The following KLHL29 variants were observed in gnomAD, a reference collection of about 807,000 sequenced individuals.
KLHL29 encodes the protein kelch like family member 29.
A neutral mutation model predicts 80.4 loss-of-function variants in KLHL29; 21 were observed. The observed-to-expected ratio is 0.26, with a 90% CI of 0.19 to 0.38. KLHL29 has a LOEUF of 0.38. Among genes scored for constraint, KLHL29 ranks in the 10% least tolerant of loss-of-function variants. The pLI, the probability that KLHL29 is intolerant of heterozygous loss-of-function variation, is 1.00. For missense variants in KLHL29, 867 were observed against 1,223.9 expected, an observed-to-expected ratio of 0.71 and a Z score of 4.35; for synonymous variants, 511 against 526.8, an observed-to-expected ratio of 0.97 and a Z score of 0.41.
intron 1 of KLHL29, among the ~76,000 whole-genome samples, chr2:23,429,875 G>A (rs1663121780): frequency 9.1e-6 from 1 of 109,408 alleles, no homozygotes; most frequent in East Asian, 2.3e-4. Flanking sequence ...TTTCCTTCTA[G>A]TGACTTTAAA....
chr2:23,607,793 A>C (rs1668764505), intron 3 of KLHL29, among the ~76,000 whole-genome samples: 1 of 152,222 alleles, frequency 6.6e-6, no homozygotes, highest in Non-Finnish European at 1.5e-5. Flanking sequence ...GAGGTGGAGC[A>C]GTTTCATCCC....
chr2:23,597,251 C>T (rs565037232), intron 3 of KLHL29, among the ~76,000 whole-genome samples: 2 of 139,538 alleles, frequency 1.4e-5, no homozygotes, highest in South Asian at 2.4e-4. Context: ...AAACTTGCTA[C>T]GTGTCTGTTC....
intron 5 of KLHL29, among the ~76,000 whole-genome samples, chr2:23,676,343 C>T (rs1209880560): frequency 2.0e-5 from 3 of 152,180 alleles, no homozygotes; most frequent in African/African-American, 4.8e-5. Flanking sequence ...CTACCATGCC[C>T]GGCTAATTTT....
rs1013920255 is a variant in KLHL29 at position 23,564,117 on chromosome 2, C to T, written c.285+1636C>T. 2.6e-5 allele frequency among the ~76,000 whole-genome samples: 4 copies of T among 152,228 alleles called. No homozygotes were observed. The East Asian group carries it at 5.8e-4, about 22-fold the overall frequency. ...GGAGAGAGAGGCTGGGCCCGGAGGC[C>T]GTCTTGAAAGTGTCTGTCCTTTTAA... On this transcript the variant is annotated intron_variant, in intron 3 of 13. Coordinates refer to ENST00000486442, the MANE Select transcript of KLHL29 (RefSeq NM_052920.2).
At chr2:23,436,954 A>T (rs1184699542) in intron 1 of KLHL29, among the ~76,000 whole-genome samples, 4 of 152,248 alleles carry the variant, frequency 2.6e-5, no homozygotes, top group African/African-American at 9.6e-5. Context: ...ATATTTTCCA[A>T]GAGTAATGAA....
chr2:23,679,243 T>C lies in KLHL29; in HGVS notation c.941-5156T>C, dbSNP rs1029333775. Among the ~76,000 whole-genome samples the C allele has an allele frequency of 5.3e-5, 8 of 152,032 alleles. No individual in the cohort carries two copies. The South Asian group carries it at 1.3e-3, about 24-fold the overall frequency. On this transcript the variant is annotated intron_variant, in intron 5 of 13. Transcript: ENST00000486442. ...TTTTAAAAACAGCCACTTATTTAGA[T>C]TGTGATCCTGGTTTAGCAGTTTGGA...
chr2:23,562,279 G>A lies in KLHL29; in HGVS notation c.83G>A (p.Gly28Glu). ...RREWSVNGTH[G>E]TTSICSVTSG... ...GAATGGAGCGTCAACGGGACGCATG[G>A]GACCACCAGCATCTGCAGTGTCACC... Residue 28 changes from glycine to glutamate, a missense_variant, in exon 3 of 14, where the codon GGG becomes GAG. This residue lies in a region of KLHL29 where 424 missense variants were observed against 456.9 expected (regional missense o/e 0.93). Coordinates refer to ENST00000486442, the MANE Select transcript of KLHL29 (RefSeq NM_052920.2). The surrounding 1 kb of genome is among the most constrained non-coding windows in gnomAD (Gnocchi z 4.5). The A allele has an allele frequency of 6.5e-7, 1 of 1,548,558 alleles. No homozygotes were observed. Among genetic ancestry groups the A allele is most frequent in the Non-Finnish European group, 8.7e-7 (1 of 1,145,564 alleles).
Position 23,560,417 on chromosome 2 carries a change from C to T in KLHL29, c.-45-1735C>T, listed in dbSNP as rs576151066. Among the ~76,000 whole-genome samples the T allele has an allele frequency of 2.0e-5, 3 of 151,934 alleles. No individual in the cohort carries two copies. The South Asian group carries it at 6.2e-4, about 32-fold the overall frequency. On this transcript the variant is annotated intron_variant, in intron 2 of 13. Transcript: ENST00000486442. ...TCCTGAGTAGCTGGGACTACAGGCA[C>T]GTGCTGCCACTCCCAACTAATTTTA...
rs145854192 is a variant in KLHL29, at chr2:23,537,365, C to T, written c.-45-24787C>T. 8.3e-3 allele frequency among the ~76,000 whole-genome samples: 1,051 copies of T among 126,416 alleles called. 15 individuals are homozygous for T. Among genetic ancestry groups the T allele is most frequent in the African/African-American group, 0.027 (972 of 35,502 alleles). The allele number at this position is 126,416 out of a possible 152,430, so 82.9% of individuals were successfully genotyped here. ...GGCATTGAAAGTCCTTTAGGAAGGA[C>T]GAGTAACTTCTAGTTGAGTTTGAGC... On this transcript the variant is annotated intron_variant, in intron 2 of 13. Coordinates refer to ENST00000486442, the MANE Select transcript of KLHL29 (RefSeq NM_052920.2).
intron 2 of KLHL29, among the ~76,000 whole-genome samples, chr2:23,498,380 G>A (rs565504664): frequency 2.6e-4 from 39 of 152,348 alleles, no homozygotes; most frequent in African/African-American, 9.1e-4. Context: ...CGGCACCAGT[G>A]AGGTGCCCTG....
At chr2:23,546,338 T>C (rs529884388) in intron 2 of KLHL29, among the ~76,000 whole-genome samples, 31 of 152,242 alleles carry the variant, frequency 2.0e-4, no homozygotes, top group African/African-American at 7.5e-4. Context: ...TAGAAAAGAT[T>C]GGGGCCAAGG....
intron 2 of KLHL29, among the ~76,000 whole-genome samples, chr2:23,486,564 G>A (rs1558356182): frequency 6.6e-6 from 1 of 152,164 alleles, no homozygotes; most frequent in South Asian, 2.1e-4. Context: ...TAGCACTGTG[G>A]CCTCAGAAGT....
intron 11 of KLHL29, among the ~76,000 whole-genome samples, chr2:23,701,794 T>C (rs1416789392): frequency 9.0e-5 from 3 of 33,200 alleles, no homozygotes; most frequent in African/African-American, 1.7e-4. Flanking sequence ...TTTTTTTTGC[T>C]TTTTTTTTTT....
At chr2:23,673,329 C>G (rs901020781) in intron 5 of KLHL29, among the ~76,000 whole-genome samples, 1 of 151,808 alleles carries the variant, frequency 6.6e-6, no homozygotes, top group Non-Finnish European at 1.5e-5. Context: ...CACACATACA[C>G]CCATCCTCAC....
intron 1 of KLHL29, among the ~76,000 whole-genome samples, chr2:23,432,541 T>C (rs1663210609): frequency 6.6e-6 from 1 of 152,250 alleles, no homozygotes; most frequent in Non-Finnish European, 1.5e-5. Flanking sequence ...GGGGCATGGC[T>C]TATCAGTAAT....
chr2:23,652,906 C>G (rs1295123570), intron 5 of KLHL29, among the ~76,000 whole-genome samples: 1 of 152,150 alleles, frequency 6.6e-6, no homozygotes, highest in Non-Finnish European at 1.5e-5. Flanking sequence ...ACCCCCAGCC[C>G]CACCTTCATT....
intron 2 of KLHL29, among the ~76,000 whole-genome samples, chr2:23,504,520 A>G (rs1238821511): frequency 6.6e-6 from 1 of 152,182 alleles, no homozygotes; most frequent in Non-Finnish European, 1.5e-5. Flanking sequence ...TAGGGTTTCC[A>G]TGGTTAAGTC....
intron 2 of KLHL29, among the ~76,000 whole-genome samples, chr2:23,499,112 C>T (rs1315314646): frequency 2.0e-5 from 3 of 152,200 alleles, no homozygotes; most frequent in African/African-American, 7.2e-5. Flanking sequence ...TCCTCTCCTG[C>T]AGCTGCCTGA....
At chr2:23,660,336 T>C (rs1236455767) in intron 5 of KLHL29, among the ~76,000 whole-genome samples, 1 of 152,124 alleles carries the variant, frequency 6.6e-6, no homozygotes, top group Non-Finnish European at 1.5e-5. Context: ...CTCTTCTGAT[T>C]TACACAGGTG....
Sources: allele counts gnomAD v4.1 joint callset (sites outside exome capture counted in the v4.1 genomes callset), GRCh38; gene constraint gnomAD v4.1.1; regional missense constraint gnomAD v4.1.1; non-coding constraint Gnocchi (gnomAD v3.1); transcripts MANE v1.5; gene names NCBI Gene and HGNC (gene_info 2026-07-23, HGNC 2026-07-21).